EXT2: variants seen among roughly 807,000 people sequenced by gnomAD.
EXT2 encodes exostosin-2.
A neutral mutation model predicts 81.6 loss-of-function variants in EXT2; 53 were observed. That is an observed-to-expected ratio of 0.65 (90% CI 0.52 to 0.82). The LOEUF (loss-of-function observed/expected upper bound fraction) is 0.82, where lower values mean the gene tolerates loss of function less well. EXT2 is among the 40% of genes least tolerant of loss of function. The pLI is 0.00. For missense variants in EXT2, 774 were observed against 910.2 expected, an observed-to-expected ratio of 0.85 and a Z score of 1.93; for synonymous variants, 320 against 340.0, an observed-to-expected ratio of 0.94 and a Z score of 0.65.
Position 44,244,175 on chromosome 11 carries a change from C to T in EXT2, c.2045C>T (p.Ser682Leu). 2 of 1,614,126 alleles carry T rather than the reference C, an allele frequency of 1.2e-6. No individual in the cohort carries two copies. Among genetic ancestry groups the T allele is most frequent in the Non-Finnish European group, 1.7e-6 (2 of 1,179,976 alleles). ...TCAGAGTGCATCAACAAGTTTGCTT[C>T]AGTCTTCGGGACCATGCCTCTCAAG... ...ERSECINKFASVFGTMPLKVV... is the reference protein window; with the variant it reads ...ERSECINKFALVFGTMPLKVV... The change falls in exon 14 of 14, where the codon TCA becomes TTA. Residue 682 changes from serine to leucine, a missense_variant. Ser to Leu is a moderately radical substitution (Grantham distance 145). Around this residue, in one of 2 missense-constraint regions of EXT2, gnomAD observed 148 missense variants for 239.7 expected, o/e 0.62. Coordinates refer to ENST00000533608, the MANE Select transcript of EXT2 (RefSeq NM_207122.2).
intron 8 of EXT2, among the ~76,000 whole-genome samples, chr11:44,173,586 T>G (rs1955109564): frequency 1.5e-5 from 2 of 134,426 alleles, no homozygotes; most frequent in South Asian, 2.6e-4. Flanking sequence ...TTTTTTTTTT[T>G]GAGATGGAGT....
At chr11:44,158,785 A>G (rs576610373) in intron 7 of EXT2, among the ~76,000 whole-genome samples, 3 of 151,946 alleles carry the variant, frequency 2.0e-5, no homozygotes, top group South Asian at 2.1e-4. Context: ...GCTACTGACA[A>G]ATTTCCTCAA....
intron 9 of EXT2, among the ~76,000 whole-genome samples, chr11:44,204,739 A>C (rs1483657832): frequency 2.0e-5 from 3 of 152,194 alleles, no homozygotes; most frequent in African/African-American, 7.2e-5. Context: ...ACGAGAATCT[A>C]ATGCCGGATG....
At position 44,248,154 on chromosome 11, in the gene EXT2, C is replaced by T. The variant is rs1956111254; in HGVS notation, c.*3867C>T. The stretch of plus-strand genomic sequence containing the variant: ...CTCCTTTGGGGGTATGCTGCTTTTT[C>T]CATTTCTCTTGGCTCGGGTACTCTT... On this transcript the variant is annotated 3_prime_UTR_variant, in exon 14 of 14. Coordinates refer to ENST00000533608, the MANE Select transcript of EXT2 (RefSeq NM_207122.2). Among the ~76,000 whole-genome samples, 1 of 152,114 alleles carries T rather than the reference C, an allele frequency of 6.6e-6. No individual in the cohort carries two copies. Among genetic ancestry groups the T allele is most frequent in the African/African-American group, 2.4e-5 (1 of 41,414 alleles).
At chr11:44,123,343 C>A (rs182766335) in intron 4 of EXT2, among the ~76,000 whole-genome samples, 121 of 152,334 alleles carry the variant, frequency 7.9e-4, no homozygotes, top group Middle Eastern at 3.4e-3. Flanking sequence ...CTCTAGGTTG[C>A]GTGGTGGCGT....
intron 7 of EXT2, among the ~76,000 whole-genome samples, chr11:44,134,503 G>A (rs964031728): frequency 2.6e-5 from 4 of 152,172 alleles, no homozygotes; most frequent in African/African-American, 9.7e-5. Flanking sequence ...TCTGAGGTAG[G>A]CCTTGAGATG....
In EXT2 at chr11:44,214,751, CT is replaced by C. The variant is rs535100279; in HGVS notation, c.1662+7807del. 8.6e-3 allele frequency among the ~76,000 whole-genome samples: 1,191 copies of C among 138,204 alleles called. 3 individuals are homozygous for C. The highest frequency in any genetic ancestry group is 0.012 in the African/African-American group (450 of 37,890). The allele number at this position is 138,204 out of a possible 152,430, so 90.7% of individuals were successfully genotyped here. ...ATCCATAATCTTTTCAAAGAATTGA[CT>C]TTTTTTTTTTTTTTAAAGACAGAGG... On this transcript the variant is annotated intron_variant, in intron 10 of 13. Coordinates refer to ENST00000533608, the MANE Select transcript of EXT2 (RefSeq NM_207122.2).
At chr11:44,212,012 G>A (rs764269710) in intron 10 of EXT2, among the ~76,000 whole-genome samples, 5 of 152,086 alleles carry the variant, frequency 3.3e-5, no homozygotes, top group Admixed American at 6.6e-5. Flanking sequence ...TAGGCTGGGC[G>A]CAGTGGCTCA....
intron 7 of EXT2, among the ~76,000 whole-genome samples, chr11:44,162,482 A>T (rs981226844): frequency 3.3e-5 from 5 of 149,942 alleles, no homozygotes; most frequent in African/African-American, 1.2e-4. Context: ...AGGCTGAGGT[A>T]GGAGAATCGC....
At chr11:44,170,935 C>G in intron 7 of EXT2, among the ~76,000 whole-genome samples, 1 of 152,030 alleles carries the variant, frequency 6.6e-6, no homozygotes, top group Admixed American at 6.6e-5. Context: ...AGAAATAACG[C>G]TGATCTTGCA....
intron 4 of EXT2, among the ~76,000 whole-genome samples, chr11:44,122,107 G>T (rs552116921): frequency 2.6e-5 from 4 of 152,194 alleles, no homozygotes; most frequent in Admixed American, 1.3e-4. Context: ...GTTTTGTGCT[G>T]TCAGCTCTAC....
chr11:44,167,349 G>C (rs1276450292), intron 7 of EXT2, among the ~76,000 whole-genome samples: 5 of 152,216 alleles, frequency 3.3e-5, no homozygotes, highest in African/African-American at 1.2e-4. Flanking sequence ...GAGCAATGCA[G>C]ATATTTCAGC....
chr11:44,139,432 A>C (rs565456171), intron 7 of EXT2, among the ~76,000 whole-genome samples: 1 of 152,224 alleles, frequency 6.6e-6, no homozygotes, highest in South Asian at 2.1e-4. Flanking sequence ...GTATAAGCTA[A>C]AAATAAAGGA....
In EXT2 at chr11:44,244,164, C is replaced by T. The variant is rs1956070484; in HGVS notation, c.2034C>T (p.Asn678=). The T allele has an allele frequency of 6.2e-7, 1 of 1,614,090 alleles. No individual in the cohort carries two copies. The highest frequency in any genetic ancestry group is 1.3e-5 in the African/African-American group (1 of 75,032). ...AATCCCACAGGTCAGAGTGCATCAA[C>T]AAGTTTGCTTCAGTCTTCGGGACCA... is the stretch of plus-strand genomic sequence containing the variant. ...THMVERSECI[N]KFASVFGTMP... Residue 678 remains asparagine, a synonymous_variant, in exon 14 of 14, where the codon AAC becomes AAT. Transcript: ENST00000533608.
At position 44,206,792 on chromosome 11, in the gene EXT2, G is replaced by C. The variant is rs968941427; in HGVS notation, c.1496-1G>C. On this transcript the variant is annotated splice_acceptor_variant, in intron 9 of 13. Coordinates refer to ENST00000533608, the MANE Select transcript of EXT2 (RefSeq NM_207122.2). LOFTEE classifies it high-confidence loss of function. The stretch of plus-strand genomic sequence containing the variant: ...AGTAAATACCTTTTCTCTTTTTCCA[G>C]ATTCTCTCTGGCCCAAAATCCGGGT... 9.9e-6 allele frequency: 16 copies of C among 1,613,890 alleles called. No homozygotes were observed. The highest frequency in any genetic ancestry group is 1.2e-5 in the Non-Finnish European group (14 of 1,179,936).
intron 8 of EXT2, among the ~76,000 whole-genome samples, chr11:44,179,811 AC>A (rs1475032606): frequency 1.3e-5 from 2 of 152,002 alleles, no homozygotes; most frequent in African/African-American, 4.8e-5. Flanking sequence ...AGATTAGGAA[AC>A]TTTACACACT....
chr11:44,244,262 G>C lies in EXT2; in HGVS notation c.2132G>C (p.Ser711Thr), dbSNP rs766328349. The part of the protein sequence containing the change: ...YKDDFPEKLK[S>T]FPNIGSL ...GATGACTTTCCTGAGAAGCTGAAGA[G>C]CTTCCCCAACATTGGCAGCTTATGA... Residue 711 changes from serine to threonine, a missense_variant, in exon 14 of 14, where the codon AGC becomes ACC. By Grantham distance (58) the Ser-to-Thr change is moderately conservative. Transcript: ENST00000533608. The C allele has an allele frequency of 4.3e-6, 7 of 1,613,990 alleles. No individual in the cohort carries two copies. Among genetic ancestry groups the C allele is most frequent in the Non-Finnish European group, 5.9e-6 (7 of 1,180,014 alleles).
rs1428009780 is a variant in EXT2, at chr11:44,109,406, T to C, written c.626+123T>C. 3.1e-5 allele frequency: 29 copies of C among 928,974 alleles called. 1 individual carries two copies. The highest frequency in any genetic ancestry group is 5.0e-5 in the Non-Finnish European group (29 of 585,706). 57.5% of individuals were successfully genotyped at this position (928,974 alleles called of 1,614,324 possible). A position where few individuals can be genotyped will look rare whatever the true frequency, so the allele number is the denominator to read the frequency against. ...AATTGTTTATTAAACTAGAAAATTGTCATAAGTATTTTCCTCCTGAAGATT... is the reference window on the plus strand; with the variant it reads ...AATTGTTTATTAAACTAGAAAATTGCCATAAGTATTTTCCTCCTGAAGATT... On this transcript the variant is annotated intron_variant, in intron 3 of 13. Transcript: ENST00000533608.
chr11:44,151,577 A>G (rs1371436586), intron 7 of EXT2, among the ~76,000 whole-genome samples: 2 of 152,178 alleles, frequency 1.3e-5, no homozygotes, highest in African/African-American at 4.8e-5. Context: ...TCAGTGCTAA[A>G]TAATATTCCA....
Sources: allele counts gnomAD v4.1 joint callset (sites outside exome capture counted in the v4.1 genomes callset), GRCh38; gene constraint gnomAD v4.1.1; regional missense constraint gnomAD v4.1.1; transcripts MANE v1.5; gene names NCBI Gene and HGNC (gene_info 2026-07-23, HGNC 2026-07-21).